The following CCNL1 variants were observed in gnomAD, a reference collection of about 807,000 sequenced individuals.
CCNL1 encodes cyclin L1, also known as cyclin-L1.
CCNL1 carries 13 observed loss-of-function variants against 60.6 expected under a neutral mutation model. The ratio of observed to expected loss-of-function variants is 0.21; its 90% confidence interval spans 0.14 to 0.34. The LOEUF is 0.34. Ranked by LOEUF, CCNL1 falls within the 10% of genes least tolerant of loss-of-function variation. CCNL1 has a pLI of 1.00. For missense variants in CCNL1, 481 were observed against 664.3 expected (o/e 0.72, Z 3.03); for synonymous variants, 270 against 244.3 (o/e 1.10, Z -0.98).
downstream of CCNL1, among the ~76,000 whole-genome samples, chr3:157,143,197 A>G (rs1166242410): frequency 6.6e-6 from 1 of 152,202 alleles, no homozygotes; most frequent in East Asian, 1.9e-4. Context: ...ATTAAAAAAT[A>G]TTATCAGCCA....
At chr3:157,154,146 A>G (rs1418346779) in intron 3 of CCNL1, 9 of 152,194 alleles carry the variant, frequency 5.9e-5, no homozygotes, top group Non-Finnish European at 8.8e-5. Flanking sequence ...TGTTATCCCC[A>G]AATGTTTTAT....
At chr3:157,159,378 C>A (rs1459884042) in intron 2 of CCNL1, 27 bp downstream of exon 2, 1 of 1,610,206 alleles carries the variant, frequency 6.2e-7, no homozygotes, top group Non-Finnish European at 8.5e-7. Flanking sequence ...TGAAGAAATC[C>A]CTTTTACCCG....
chr3:157,159,063 A>G (rs1385383760), intron 2 of CCNL1, 88 bp from the exon 3 acceptor site: 10 of 859,898 alleles, frequency 1.2e-5, no homozygotes, highest in Non-Finnish European at 1.9e-5. Flanking sequence ...GACAACCTTT[A>G]GTAAAATTAG....
At chr3:157,158,682 T>C in intron 3 of CCNL1, 184 bp downstream of exon 3, 2 of 487,142 alleles carry the variant, frequency 4.1e-6, no homozygotes, top group Admixed American at 3.7e-5. Context: ...GATAACCGGT[T>C]AATTATGTTT....
intron 3 of CCNL1, among the ~76,000 whole-genome samples, chr3:157,156,569 A>G (rs1201577635): frequency 6.6e-6 from 1 of 152,208 alleles, no homozygotes; most frequent in Non-Finnish European, 1.5e-5. Flanking sequence ...AAGGAGGAAT[A>G]GGCCAAACAA....
chr3:157,159,413 T>A lies in CCNL1; in HGVS notation c.370A>T (p.Ser124Cys), dbSNP rs144436389. The A allele has an allele frequency of 6.2e-7, 1 of 1,613,946 alleles. No homozygotes were observed. Among genetic ancestry groups the A allele is most frequent in the African/African-American group, 1.3e-5 (1 of 74,898 alleles). ...GCCTCCGCTGTGCTTACCTCGAAAC[T>A]GTGTTTGACGAAAGATTTGGAGTAG... ...FFYSKSFVKHSFEIVAMACIN... is the reference protein window; with the variant it reads ...FFYSKSFVKHCFEIVAMACIN... The change falls in exon 2 of 11, where the codon AGT (serine) becomes TGT (cysteine). Residue 124 changes from serine (S) to cysteine (C), a missense_variant. Physicochemically the swap from Ser to Cys is moderately radical, Grantham distance 112. This residue lies in a region of CCNL1 where 130 missense variants were observed against 174.5 expected (regional missense o/e 0.75). Transcript: ENST00000295926.
intron 9 of CCNL1, 23 bp from the exon 10 acceptor site, chr3:157,149,408 A>G (rs768291743): frequency 6.2e-7 from 1 of 1,610,596 alleles, no homozygotes; most frequent in South Asian, 1.1e-5. Context: ...ATGACATATT[A>G]GTTACAAACT....
Position 157,158,955 on chromosome 3 carries a change from A to C in CCNL1, c.399T>G (p.Ile133Met). Residue 133 changes from isoleucine (I) to methionine (M), a missense_variant, in exon 3 of 11, where the codon ATT becomes ATG. Physicochemically the swap from Ile to Met is conservative, Grantham distance 10 (BLOSUM62 1). Coordinates refer to ENST00000295926, the MANE Select transcript of CCNL1 (RefSeq NM_020307.4). Reference protein sequence around the residue: ...HSFEIVAMACINLASKIEEAP... With the variant: ...HSFEIVAMACMNLASKIEEAP... ...CTTCTTCGATTTTTGATGCAAGATTAATACAAGCCATAGCAACAATCTGAA... is the reference window on the plus strand; with the variant it reads ...CTTCTTCGATTTTTGATGCAAGATTCATACAAGCCATAGCAACAATCTGAA... 2 of 1,612,334 alleles carry C rather than the reference A, an allele frequency of 1.2e-6. No individual in the cohort carries two copies. Among genetic ancestry groups the C allele is most frequent in the South Asian group, 2.2e-5 (2 of 90,960 alleles).
At position 157,147,560 on chromosome 3, in the gene CCNL1, G is replaced by C. The variant is rs1737831261; in HGVS notation, c.*681C>G. ...ATTCAAAAGCAAATCAGGTTTTTTG[G>C]TTTAGTGCTAAAATATAACATTTAA... On this transcript the variant is annotated 3_prime_UTR_variant, in exon 11 of 11. Transcript: ENST00000295926. 2 of 984,702 alleles carry C rather than the reference G, an allele frequency of 2.0e-6. No homozygotes were observed. Among genetic ancestry groups the C allele is most frequent in the African/African-American group, 1.7e-5 (1 of 57,188 alleles). The allele number at this position is 984,702 out of a possible 1,614,324, so 61.0% of individuals were successfully genotyped here.
At chr3:157,149,139 T>A in intron 10 of CCNL1, 148 bp downstream of exon 10, 1 of 633,138 alleles carries the variant, frequency 1.6e-6, no homozygotes. Context: ...CCAGAACATC[T>A]CCAAACTCAT....
intron 3 of CCNL1, among the ~76,000 whole-genome samples, chr3:157,156,431 GA>G (rs1317218175): frequency 1.3e-5 from 2 of 152,108 alleles, no homozygotes; most frequent in Non-Finnish European, 2.9e-5. Context: ...ACCAGTCTTT[GA>G]AAATTTTAAT....
At chr3:157,143,799 A>C (rs1737708004), downstream of CCNL1, among the ~76,000 whole-genome samples, 1 of 152,188 alleles carries the variant, frequency 6.6e-6, no homozygotes, top group Non-Finnish European at 1.5e-5. Context: ...TGAGGATGGC[A>C]ATAAAGGCTC....
intron 5 of CCNL1, 87 bp from the exon 6 acceptor site, chr3:157,150,468 TTC>T: frequency 6.7e-7 from 1 of 1,496,204 alleles, no homozygotes; most frequent in Non-Finnish European, 9.0e-7. Context: ...ATCTACTTTA[TTC>T]TTTTTTCTTC....
downstream of CCNL1, among the ~76,000 whole-genome samples, chr3:157,146,192 T>C (rs535376322): frequency 1.3e-5 from 2 of 152,070 alleles, no homozygotes; most frequent in Non-Finnish European, 2.9e-5. Flanking sequence ...GTATTATTGG[T>C]ATTGCACAAC....
intron 6 of CCNL1, 33 bp downstream of exon 6, chr3:157,150,249 T>G (rs897316776): frequency 6.2e-7 from 1 of 1,611,636 alleles, no homozygotes; most frequent in Non-Finnish European, 8.5e-7. Context: ...GTGTGATTTA[T>G]CCTACAGAAC....
chr3:157,159,133 T>TA, intron 2 of CCNL1, 158 bp from the exon 3 acceptor site: 1 of 630,926 alleles, frequency 1.6e-6, no homozygotes, highest in South Asian at 2.0e-5. Flanking sequence ...TTTTGTTGTT[T>TA]AACTCATCTT....
rs1469998509 is a variant in CCNL1, at chr3:157,147,733, C to T, written c.*508G>A. 1 of 984,614 alleles carries T rather than the reference C, an allele frequency of 1.0e-6. No individual in the cohort carries two copies. Among genetic ancestry groups the T allele is most frequent in the East Asian group, 1.1e-4 (1 of 8,828 alleles). The allele number at this position is 984,614 out of a possible 1,614,324, so 61.0% of individuals were successfully genotyped here. A position where few individuals can be genotyped will look rare whatever the true frequency, so the allele number is the denominator to read the frequency against. On this transcript the variant is annotated 3_prime_UTR_variant, in exon 11 of 11. Coordinates refer to ENST00000295926, the MANE Select transcript of CCNL1 (RefSeq NM_020307.4). ...GAATAAGTTTGTCAGAAAACCAGTA[C>T]AGCCATTTTGCTATTAAAATTTTCC...
chr3:157,147,575 A>G lies in CCNL1; in HGVS notation c.*666T>C. On this transcript the variant is annotated 3_prime_UTR_variant, in exon 11 of 11. Transcript: ENST00000295926. ...AGGTTTTTTGGTTTAGTGCTAAAAT[A>G]TAACATTTAATGTCACATTGTTGGG... The G allele has an allele frequency of 1.8e-5, 18 of 985,352 alleles. No individual in the cohort carries two copies. The highest frequency in any genetic ancestry group is 2.2e-5 in the Non-Finnish European group (18 of 829,842). 61.0% of individuals were successfully genotyped at this position (985,352 alleles called of 1,614,324 possible).
chr3:157,146,630 TAAA>T, downstream of CCNL1: 1 of 342,478 alleles, frequency 2.9e-6, no homozygotes, highest in Non-Finnish European at 5.7e-6. Flanking sequence ...AAAAAAAAGT[TAAA>T]AAAAAAAATC....
Sources: gnomAD v4.1 joint callset for allele counts (sites outside exome capture counted in the v4.1 genomes callset) on GRCh38, gnomAD v4.1.1 for gene constraint, gnomAD v4.1.1 regional missense constraint, MANE v1.5 for transcripts, NCBI Gene and HGNC (gene_info 2026-07-23, HGNC 2026-07-21) for gene names.